PDXDC1: variants seen among roughly 807,000 people sequenced by gnomAD.
PDXDC1 encodes pyridoxal-dependent decarboxylase domain-containing protein 1.
In PDXDC1, 42 loss-of-function variants were observed where a neutral mutation model predicts 100.1. That is an observed-to-expected ratio of 0.42 (90% CI 0.33 to 0.54). The LOEUF is 0.54. PDXDC1 is among the 20% of genes least tolerant of loss of function. PDXDC1 has a pLI of 0.10. For missense variants in PDXDC1, 636 were observed against 979.2 expected (o/e 0.65, Z 4.68); for synonymous variants, 260 against 371.7 (o/e 0.70, Z 3.46).
chr16:15,066,744 G>A (rs1362527097), intron 16 of PDXDC1, among the ~76,000 whole-genome samples: 2 of 151,172 alleles, frequency 1.3e-5, no homozygotes, highest in East Asian at 3.9e-4. Context: ...AAAGCTTTGT[G>A]TCAATATGGT....
intron 16 of PDXDC1, chr16:15,128,537 G>A: frequency 1.6e-6 from 1 of 631,742 alleles, no homozygotes; most frequent in South Asian, 1.8e-5. Flanking sequence ...TACACGAGGA[G>A]CTGAGGTTAC....
intron 8 of PDXDC1, among the ~76,000 whole-genome samples, chr16:15,011,641 T>G (rs1383273961): frequency 6.6e-6 from 1 of 151,284 alleles, no homozygotes; most frequent in African/African-American, 2.4e-5. Context: ...CTTTTTTTTT[T>G]TTTTTTTTTG....
Position 15,072,882 on chromosome 16 carries a change from G to A in PDXDC1, c.1399+42826G>A, listed in dbSNP as rs2045296488. ...TACTTCATGGTCTCCGTCCACCCCA[G>A]TTTTTAGGGAAAATTTTTGGGCAAA... On this transcript the variant is annotated intron_variant, in intron 16 of 16. Coordinates refer to the PDXDC1 transcript ENST00000535621. The A allele has an allele frequency of 1.9e-6, 3 of 1,560,184 alleles. No individual in the cohort carries two copies. In the East Asian group the frequency reaches 6.8e-5, roughly 35 times the overall value.
At chr16:15,035,295 C>T (rs1183209307) in intron 21 of PDXDC1, among the ~76,000 whole-genome samples, 154 bp from the exon 22 acceptor site, 1 of 152,110 alleles carries the variant, frequency 6.6e-6, no homozygotes, top group African/African-American at 2.4e-5. Context: ...CTCTAGCTCA[C>T]GGCACATTCA....
At chr16:15,042,899 AT>A (rs1193801850), downstream of PDXDC1, among the ~76,000 whole-genome samples, 183 of 121,482 alleles carry the variant, frequency 1.5e-3, no homozygotes, top group Middle Eastern at 4.6e-3. Flanking sequence ...TGCCCAGCTA[AT>A]TTTTTTTTTT....
At chr16:15,078,030 T>C (rs1328981413) in intron 16 of PDXDC1, among the ~76,000 whole-genome samples, 14 of 152,246 alleles carry the variant, frequency 9.2e-5, no homozygotes, top group Admixed American at 4.6e-4. Context: ...CAATATTTAT[T>C]TTGGTATATC....
intron 12 of PDXDC1, 141 bp downstream of exon 12, chr16:15,019,106 G>C: frequency 2.5e-6 from 3 of 1,186,380 alleles, no homozygotes; most frequent in Non-Finnish European, 3.5e-6. Context: ...CGCCCTGCAT[G>C]TAAATATTTC....
At chr16:15,088,569 A>G (rs2045997847) in intron 16 of PDXDC1, among the ~76,000 whole-genome samples, 1 of 152,090 alleles carries the variant, frequency 6.6e-6, no homozygotes, top group Admixed American at 6.6e-5. Context: ...AATACAGTGG[A>G]ACACAAAGAA....
chr16:15,060,248 T>TA (rs1313260372), intron 16 of PDXDC1: 2 of 334,376 alleles, frequency 6.0e-6, no homozygotes, highest in East Asian at 9.5e-5. Flanking sequence ...TATCTAATAT[T>TA]AAAAAATCAA....
Position 15,088,118 on chromosome 16 carries a change from A to G in PDXDC1, c.1400-50761A>G, listed in dbSNP as rs535258269. On this transcript the variant is annotated intron_variant, in intron 16 of 16. Coordinates refer to the PDXDC1 transcript ENST00000535621. The stretch of plus-strand genomic sequence containing the variant: ...GCAACAAGAGCAAAACTCCGTCTCA[A>G]AAAGAAAAAAAAAAAGTAAATCAGT... 2.5e-3 allele frequency among the ~76,000 whole-genome samples: 381 copies of G among 151,228 alleles called. 1 individual carries two copies. Among genetic ancestry groups the G allele is most frequent in the African/African-American group, 8.8e-3 (357 of 40,670 alleles).
chr16:15,013,424 G>A (rs1160898662), intron 8 of PDXDC1, among the ~76,000 whole-genome samples: 1 of 152,010 alleles, frequency 6.6e-6, no homozygotes, highest in Non-Finnish European at 1.5e-5. Context: ...CAGGGCCAGT[G>A]AGGAGTCAGG....
chr16:15,008,438 GA>G (rs2040969050), intron 6 of PDXDC1, among the ~76,000 whole-genome samples: 1 of 152,256 alleles, frequency 6.6e-6, no homozygotes, highest in Non-Finnish European at 1.5e-5. Context: ...CTTGGAGAAA[GA>G]ATCCAAAATT....
chr16:15,089,880 G>C (rs1181235466), intron 16 of PDXDC1, among the ~76,000 whole-genome samples: 3 of 150,550 alleles, frequency 2.0e-5, no homozygotes, highest in Non-Finnish European at 4.4e-5. Flanking sequence ...GGCCAACAGT[G>C]TCGGCTGATA....
intron 16 of PDXDC1, among the ~76,000 whole-genome samples, chr16:15,071,724 T>C (rs1333501108): frequency 2.6e-5 from 4 of 152,104 alleles, no homozygotes; most frequent in Non-Finnish European, 2.9e-5. Context: ...GCTGAGATCA[T>C]GCCACTACAC....
chr16:15,088,180 T>C (rs2045983639), intron 16 of PDXDC1, among the ~76,000 whole-genome samples: 1 of 151,842 alleles, frequency 6.6e-6, no homozygotes, highest in South Asian at 2.1e-4. Context: ...ACTATTATTA[T>C]TTCTACTAGC....
chr16:15,035,537 C>G lies in PDXDC1; in HGVS notation c.2091C>G (p.Thr697=), dbSNP rs760353447. 1.2e-6 allele frequency: 2 copies of G among 1,608,302 alleles called. No individual in the cohort carries two copies. Among genetic ancestry groups the G allele is most frequent in the African/African-American group, 1.3e-5 (1 of 74,794 alleles). ...CTCCAACGCCCTCGGGCAGTCGCAC[C>G]AAGCAGAGGCTTCCAGGTAAGTGAC... ...TLPPTPSGSR[T]KQRLPGQKPF... Residue 697 remains threonine (T), a synonymous_variant, in exon 22 of 23, where the codon ACC becomes ACG. Coordinates refer to ENST00000396410, the MANE Select transcript of PDXDC1 (RefSeq NM_015027.4).
chr16:15,136,026 G>A (rs1384018322), intron 16 of PDXDC1: 41 of 1,541,118 alleles, frequency 2.7e-5, no homozygotes, highest in East Asian at 1.4e-4. Flanking sequence ...GTGGCTCCCC[G>A]GGCAGCCAGT....
chr16:14,975,236 G>C lies in PDXDC1; in HGVS notation c.21+16G>C. 1 of 1,416,180 alleles carries C rather than the reference G, an allele frequency of 7.1e-7. No homozygotes were observed. The highest frequency in any genetic ancestry group is 2.9e-5 in the East Asian group (1 of 34,932). The allele number at this position is 1,416,180 out of a possible 1,614,324, so 87.7% of individuals were successfully genotyped here. On this transcript the variant is annotated intron_variant, in intron 1 of 22. Coordinates refer to ENST00000396410, the MANE Select transcript of PDXDC1 (RefSeq NM_015027.4). ...CCTGGAGAAGGTCCGTGCCGGGAGG[G>C]GGCGATGGGGACGGTGCTGCGGCCC...
chr16:15,110,625 G>A, intron 16 of PDXDC1: 1 of 1,569,196 alleles, frequency 6.4e-7, no homozygotes. Flanking sequence ...TGAGAGTGAG[G>A]AGAGGAGAAG....
Sources: gnomAD v4.1 joint callset for allele counts (sites outside exome capture counted in the v4.1 genomes callset) on GRCh38, gnomAD v4.1.1 for gene constraint, MANE v1.5 for transcripts, NCBI Gene and HGNC (gene_info 2026-07-23, HGNC 2026-07-21) for gene names.